The following SPAG16 variants were observed in gnomAD, a reference collection of about 807,000 sequenced individuals.
SPAG16 encodes the protein sperm associated antigen 16.
A neutral mutation model predicts 80.4 loss-of-function variants in SPAG16; 86 were observed. That is an observed-to-expected ratio of 1.07 (90% CI 0.90 to 1.28). The LOEUF (loss-of-function observed/expected upper bound fraction) is 1.28. SPAG16 is among the 50% of genes most tolerant of loss of function. The probability of loss-of-function intolerance (pLI) is 0.00; values close to 1 mark genes in which losing one functional copy is unlikely to be tolerated. For synonymous variants in SPAG16, 294 were observed against 265.9 expected, an observed-to-expected ratio of 1.11 and a Z score of -1.03; for missense variants, 870 against 765.3, an observed-to-expected ratio of 1.14 and a Z score of -1.61.
intron 15 of SPAG16, among the ~76,000 whole-genome samples, chr2:214,316,997 T>C (rs1695742752): frequency 6.6e-6 from 1 of 152,212 alleles, no homozygotes; most frequent in African/African-American, 2.4e-5. Context: ...CAAAACTTCA[T>C]GCAATGGGCT....
intron 15 of SPAG16, among the ~76,000 whole-genome samples, chr2:214,253,367 A>C (rs1394611760): frequency 4.6e-5 from 7 of 152,046 alleles, no homozygotes; most frequent in African/African-American, 1.7e-4. Context: ...TTTAGTCATG[A>C]AGTGTTTGCC....
At chr2:213,353,576 A>G (rs1314220907) in intron 7 of SPAG16, among the ~76,000 whole-genome samples, 3 of 152,196 alleles carry the variant, frequency 2.0e-5, no homozygotes, top group Non-Finnish European at 2.9e-5. Context: ...GAGTATCCCT[A>G]GAGTATCTGG....
chr2:214,144,713 A>G (rs2055544936), intron 14 of SPAG16, among the ~76,000 whole-genome samples: 1 of 152,108 alleles, frequency 6.6e-6, no homozygotes, highest in African/African-American at 2.4e-5. Flanking sequence ...AAAGGAAACA[A>G]TGTCCTGGGC....
chr2:213,647,791 A>G (rs1208662536), intron 10 of SPAG16, among the ~76,000 whole-genome samples: 1 of 152,188 alleles, frequency 6.6e-6, no homozygotes, highest in Non-Finnish European at 1.5e-5. Context: ...ACCAGGCCCC[A>G]GGCACTGTCT....
rs760099968 is a variant in SPAG16, at chr2:213,837,665, T to C, written c.1071-24820T>C. 1.1e-4 allele frequency among the ~76,000 whole-genome samples: 17 copies of C among 152,340 alleles called. No homozygotes were observed. The South Asian group carries it at 1.9e-3, about 17-fold the overall frequency. On this transcript the variant is annotated intron_variant, in intron 10 of 15. Coordinates refer to ENST00000331683, the MANE Select transcript of SPAG16 (RefSeq NM_024532.5). ...AATAATGCACCCCAGCAAATGTCCATGCCCCAAAACCCGGAATCCATAAAT... is the reference window on the plus strand; with the variant it reads ...AATAATGCACCCCAGCAAATGTCCACGCCCCAAAACCCGGAATCCATAAAT...
intron 9 of SPAG16, among the ~76,000 whole-genome samples, chr2:213,468,678 A>ATG (rs1204669027): frequency 6.8e-6 from 1 of 147,196 alleles, no homozygotes; most frequent in East Asian, 2.0e-4. Context: ...GTGTATATAT[A>ATG]TGTGTGTGTA....
intron 11 of SPAG16, among the ~76,000 whole-genome samples, chr2:213,878,667 A>G (rs1220568886): frequency 1.3e-5 from 2 of 151,936 alleles, no homozygotes; most frequent in East Asian, 1.9e-4. Context: ...AATTAAGTCT[A>G]TTTGTCTAGT....
intron 10 of SPAG16, among the ~76,000 whole-genome samples, chr2:213,669,176 A>T (rs1399800572): frequency 6.6e-6 from 1 of 152,218 alleles, no homozygotes; most frequent in Non-Finnish European, 1.5e-5. Context: ...AATCTTTTCC[A>T]GTGGCATTCT....
intron 10 of SPAG16, among the ~76,000 whole-genome samples, chr2:213,854,649 A>C (rs2075068180): frequency 6.6e-6 from 1 of 152,204 alleles, no homozygotes; most frequent in South Asian, 2.1e-4. Flanking sequence ...TCCCATAATA[A>C]GCTTATGTGA....
At chr2:214,059,186 CTATATATATATATA>C (rs36006046) in intron 13 of SPAG16, among the ~76,000 whole-genome samples, 10 of 114,376 alleles carry the variant, frequency 8.7e-5, no homozygotes, top group Admixed American at 1.9e-4. Context: ...CTCTCTCTGT[CTATATATATATATA>C]TATATATATA....
At chr2:213,970,369 C>A (rs901784998) in intron 12 of SPAG16, among the ~76,000 whole-genome samples, 2 of 151,686 alleles carry the variant, frequency 1.3e-5, no homozygotes, top group Non-Finnish European at 2.9e-5. Context: ...TGCAATGGCA[C>A]AATCTTGCTG....
chr2:213,746,239 A>G (rs553405305), intron 10 of SPAG16, among the ~76,000 whole-genome samples: 1 of 152,336 alleles, frequency 6.6e-6, no homozygotes, highest in African/African-American at 2.4e-5. Flanking sequence ...TTTAAGTGCC[A>G]TCCATCTAAA....
At chr2:213,826,834 G>A (rs991541114) in intron 10 of SPAG16, among the ~76,000 whole-genome samples, 1 of 151,906 alleles carries the variant, frequency 6.6e-6, no homozygotes, top group Non-Finnish European at 1.5e-5. Flanking sequence ...TCAAAGTGAG[G>A]CATTGAAGTC....
chr2:214,047,594 A>G (rs191659411), intron 13 of SPAG16, among the ~76,000 whole-genome samples: 73 of 152,328 alleles, frequency 4.8e-4, no homozygotes, highest in Non-Finnish European at 8.1e-4. Flanking sequence ...AACTACTACA[A>G]GAAAACATTG....
At chr2:213,809,499 C>G (rs1374961417) in intron 10 of SPAG16, among the ~76,000 whole-genome samples, 1 of 152,082 alleles carries the variant, frequency 6.6e-6, no homozygotes, top group African/African-American at 2.4e-5. Flanking sequence ...GTACTACATC[C>G]AATACTAGAG....
rs550730590 is a variant in SPAG16, at chr2:213,317,680, AAAT to A, written c.536+331_536+333del. 1.5e-4 allele frequency: 149 copies of A among 997,178 alleles called. No homozygotes were observed. In the African/African-American group the frequency reaches 2.3e-3, roughly 15 times the overall value. 61.8% of individuals were successfully genotyped at this position (997,178 alleles called of 1,614,324 possible). A position where few individuals can be genotyped will look rare whatever the true frequency, so the allele number is the denominator to read the frequency against. On this transcript the variant is annotated intron_variant, in intron 5 of 15. Transcript: ENST00000331683. ...TCCTGTAAAGATAGGCTAATTTCTG[AAAT>A]AATAATTAAATTTATAGAAAGCCGA... is the stretch of plus-strand genomic sequence containing the variant.
At chr2:213,737,183 C>T (rs2067319430) in intron 10 of SPAG16, among the ~76,000 whole-genome samples, 1 of 152,084 alleles carries the variant, frequency 6.6e-6, no homozygotes, top group African/African-American at 2.4e-5. Flanking sequence ...TGGCTGATAA[C>T]TTTCTAGAAA....
chr2:214,263,256 T>A (rs1691310989), intron 15 of SPAG16, among the ~76,000 whole-genome samples: 1 of 152,144 alleles, frequency 6.6e-6, no homozygotes, highest in South Asian at 2.1e-4. Context: ...ATTTTATATA[T>A]GCATTTTAGC....
At position 214,040,361 on chromosome 2, in the gene SPAG16, G is replaced by A. The variant is rs191048697; in HGVS notation, c.1527+26284G>A. ...AGGTTTGTTACATAGGTATACTTGT[G>A]TCATAGGGGTTTGTTTCATCACCCA... On this transcript the variant is annotated intron_variant, in intron 13 of 15. Coordinates refer to ENST00000331683, the MANE Select transcript of SPAG16 (RefSeq NM_024532.5). Among the ~76,000 whole-genome samples, 9 of 152,188 alleles carry A rather than the reference G, an allele frequency of 5.9e-5. No individual in the cohort carries two copies. The East Asian group carries it at 1.2e-3, about 20-fold the overall frequency.
Sources: gnomAD v4.1 joint callset for allele counts (sites outside exome capture counted in the v4.1 genomes callset) on GRCh38, gnomAD v4.1.1 for gene constraint, MANE v1.5 for transcripts, NCBI Gene and HGNC (gene_info 2026-07-23, HGNC 2026-07-21) for gene names.